Variants in KRT86 observed in about 807,000 individuals in gnomAD.
KRT86 encodes the protein keratin, type II cuticular Hb6.
In KRT86, 30 loss-of-function variants were observed where a neutral mutation model predicts 41.2. The observed-to-expected ratio is 0.73, with a 90% confidence interval of 0.54 to 0.99. The LOEUF is 0.99. Ranked by LOEUF, KRT86 falls within the 50% of genes least tolerant of loss-of-function variation. The pLI is 0.00. For synonymous variants in KRT86, 238 were observed against 238.1 expected, an observed-to-expected ratio of 1.00 and a Z score of 0.00; for missense variants, 561 against 571.4, an observed-to-expected ratio of 0.98 and a Z score of 0.19.
At chr12:52,288,378 T>C in intron 2 of KRT86, 2 of 1,614,082 alleles carry the variant, frequency 1.2e-6, no homozygotes, top group Non-Finnish European at 1.7e-6. Context: ...TACAGCCGCC[T>C]CAGGAAGTCG....
chr12:52,281,082 A>G (rs1225313153), intron 2 of KRT86, among the ~76,000 whole-genome samples: 1 of 152,142 alleles, frequency 6.6e-6, no homozygotes, highest in African/African-American at 2.4e-5. Flanking sequence ...TGGTTTGGAG[A>G]CTAATTCCCT....
chr12:52,285,824 C>A (rs528409412), intron 2 of KRT86: 1 of 246,540 alleles, frequency 4.1e-6, no homozygotes. Flanking sequence ...AGACCCTTGG[C>A]TTGGCCTTTT....
At chr12:52,296,686 C>G (rs1408752127) in intron 2 of KRT86, among the ~76,000 whole-genome samples, 2 of 152,216 alleles carry the variant, frequency 1.3e-5, no homozygotes, top group African/African-American at 4.8e-5. Flanking sequence ...ACCCACCCAA[C>G]TGGCCTGAGG....
chr12:52,286,120 T>A, intron 2 of KRT86: 1 of 768,884 alleles, frequency 1.3e-6, no homozygotes, highest in Non-Finnish European at 2.2e-6. Flanking sequence ...CAGAGAAATG[T>A]GAGGCCAGGA....
Position 52,305,289 on chromosome 12 carries a change from A to T in KRT86, c.785A>T (p.Lys262Met). ...ATCTCAGACACCTCCGTGGTTGTCA[A>T]GCTGGACAACAGCCGGGACCTGAAC... ...SHISDTSVVV[K>M]LDNSRDLNMD... is the part of the protein sequence containing the mutation. Residue 262 changes from lysine to methionine, a missense_variant, in exon 7 of 11, where the codon AAG (lysine) becomes ATG (methionine). By Grantham distance (95) the Lys-to-Met change is moderately conservative. This residue lies in a region of KRT86 where 397 missense variants were observed against 375.9 expected (regional missense o/e 1.06). Coordinates refer to ENST00000423955, the MANE Select transcript of KRT86 (RefSeq NM_001320198.2). 6.2e-7 allele frequency: 1 copy of T among 1,614,198 alleles called. No individual in the cohort carries two copies. Among genetic ancestry groups the T allele is most frequent in the Non-Finnish European group, 8.5e-7 (1 of 1,180,018 alleles).
At chr12:52,297,805 C>A (rs1938284067) in intron 2 of KRT86, among the ~76,000 whole-genome samples, 1 of 152,232 alleles carries the variant, frequency 6.6e-6, no homozygotes, top group African/African-American at 2.4e-5. Flanking sequence ...CTGGCAAGTT[C>A]TTCCTCAACT....
chr12:52,299,436 A>G (rs1288181079), intron 2 of KRT86, among the ~76,000 whole-genome samples: 1 of 152,088 alleles, frequency 6.6e-6, no homozygotes, highest in African/African-American at 2.4e-5. Context: ...TGATATAAGA[A>G]TTTTCTTTCT....
At position 52,302,088 on chromosome 12, in the gene KRT86, T is replaced by G. The variant is rs756604025; in HGVS notation, c.172T>G (p.Ser58Ala). ...CGTGTGCGGAGGCTTTCGGGCCGGC[T>G]CCTGCGGACGCAGCTTCGGCTACCG... ...HSVCGGFRAG[S>A]CGRSFGYRSG... The change falls in exon 3 of 11, where the codon TCC (serine) becomes GCC (alanine). Residue 58 changes from serine (S) to alanine (A), a missense_variant. Around this residue, in one of 3 missense-constraint regions of KRT86, gnomAD observed 164 missense variants for 172.5 expected, o/e 0.95. Coordinates refer to ENST00000423955, the MANE Select transcript of KRT86 (RefSeq NM_001320198.2). 1.3e-5 allele frequency: 20 copies of G among 1,584,956 alleles called. No homozygotes were observed. Among genetic ancestry groups the G allele is most frequent in the Non-Finnish European group, 1.7e-5 (20 of 1,167,468 alleles).
At position 52,305,028 on chromosome 12, in the gene KRT86, G is replaced by A; in HGVS notation, c.735+1G>A. 6 of 1,613,952 alleles carry A rather than the reference G, an allele frequency of 3.7e-6. No homozygotes were observed. Among genetic ancestry groups the A allele is most frequent in the African/African-American group, 1.3e-5 (1 of 75,030 alleles). On this transcript the variant is annotated splice_donor_variant, in intron 6 of 10. Transcript: ENST00000423955. LOFTEE classifies it high-confidence loss of function. Reference sequence around the variant, plus strand: ...CTTCCTGAGGCGGCTGTATGAGGAGGTGCGGGCTCAGGGGCCAGGCAGAGA... The same window carrying A: ...CTTCCTGAGGCGGCTGTATGAGGAGATGCGGGCTCAGGGGCCAGGCAGAGA...
chr12:52,282,333 C>T (rs35738134), intron 2 of KRT86, among the ~76,000 whole-genome samples: 40,169 of 151,356 alleles, frequency 0.27, 5,363 homozygotes, highest in African/African-American at 0.28. Flanking sequence ...CCCGGGTTCA[C>T]ACCATTCTTC....
At chr12:52,292,280 A>G (rs941029024) in intron 2 of KRT86, among the ~76,000 whole-genome samples, 1 of 152,214 alleles carries the variant, frequency 6.6e-6, no homozygotes, top group African/African-American at 2.4e-5. Flanking sequence ...GTCACCCTTA[A>G]ATACATCAGC....
At chr12:52,282,118 G>A (rs56220504) in intron 2 of KRT86, among the ~76,000 whole-genome samples, 4,330 of 152,156 alleles carry the variant, frequency 0.028, 230 homozygotes, top group African/African-American at 0.099. Flanking sequence ...CTATCAGAGG[G>A]TTGTTTGAGA....
chr12:52,286,988 G>T, intron 2 of KRT86: 2 of 1,586,728 alleles, frequency 1.3e-6, no homozygotes, highest in Non-Finnish European at 8.6e-7. Context: ...CACCGGAAGT[G>T]AATAATAATA....
chr12:52,285,656 C>T (rs981273831), intron 2 of KRT86, among the ~76,000 whole-genome samples: 2 of 152,190 alleles, frequency 1.3e-5, no homozygotes, highest in Non-Finnish European at 1.5e-5. Flanking sequence ...AAGTGGGTGA[C>T]CCTGCCCCAA....
At chr12:52,301,785 G>C in intron 2 of KRT86, 128 bp from the exon 3 acceptor site, 1 of 1,593,552 alleles carries the variant, frequency 6.3e-7, no homozygotes, top group Non-Finnish European at 8.6e-7. Context: ...TCCGACCCAC[G>C]TGGTCACAGT....
chr12:52,275,422 A>G (rs1357900855), intron 1 of KRT86, among the ~76,000 whole-genome samples: 1 of 149,076 alleles, frequency 6.7e-6, no homozygotes, highest in African/African-American at 2.4e-5. Context: ...ATTAGGAAAT[A>G]TTGAATTTCA....
At chr12:52,283,856 A>T (rs954805105) in intron 2 of KRT86, among the ~76,000 whole-genome samples, 12 of 151,614 alleles carry the variant, frequency 7.9e-5, no homozygotes, top group Non-Finnish European at 2.9e-5. Context: ...ACACAGTGAG[A>T]TGTTCCATTT....
chr12:52,296,977 G>T (rs1031959252), intron 2 of KRT86, among the ~76,000 whole-genome samples: 1 of 152,174 alleles, frequency 6.6e-6, no homozygotes, highest in Non-Finnish European at 1.5e-5. Flanking sequence ...TGCCTCAACC[G>T]GCATTCTCCC....
At chr12:52,282,318 C>T (rs1437755329) in intron 2 of KRT86, among the ~76,000 whole-genome samples, 2 of 151,572 alleles carry the variant, frequency 1.3e-5, no homozygotes, top group South Asian at 2.1e-4. Flanking sequence ...CTGCAAGCTC[C>T]GCCTCCCGGG....
Sources: allele counts gnomAD v4.1 joint callset (sites outside exome capture counted in the v4.1 genomes callset), GRCh38; gene constraint gnomAD v4.1.1; regional missense constraint gnomAD v4.1.1; transcripts MANE v1.5; gene names NCBI Gene and HGNC (gene_info 2026-07-23, HGNC 2026-07-21).